NDUFAF6: variants seen among roughly 807,000 people sequenced by gnomAD.
NDUFAF6 encodes NADH:ubiquinone oxidoreductase complex assembly factor 6, also known as NADH dehydrogenase (ubiquinone) complex I, assembly factor 6.
A neutral mutation model predicts 40.8 loss-of-function variants in NDUFAF6; 45 were observed. That is an observed-to-expected ratio of 1.10 (90% confidence interval 0.87 to 1.42). The LOEUF is 1.42. Ranked by LOEUF, NDUFAF6 falls within the 40% of genes most tolerant of loss-of-function variation. The probability of loss-of-function intolerance (pLI) is 0.00; values close to 1 mark genes in which losing one functional copy is unlikely to be tolerated. For missense variants in NDUFAF6, 435 were observed against 418.5 expected (o/e 1.04, Z -0.34); for synonymous variants, 185 against 155.9 (o/e 1.19, Z -1.39).
chr8:94,989,544 A>G (rs1826099939), intron 2 of NDUFAF6, among the ~76,000 whole-genome samples: 1 of 152,200 alleles, frequency 6.6e-6, no homozygotes, highest in Non-Finnish European at 1.5e-5. Flanking sequence ...GCCTGACTCA[A>G]TCAATGTGAA....
chr8:94,955,223 CAG>C (rs1322030609), upstream of NDUFAF6, among the ~76,000 whole-genome samples: 2 of 152,206 alleles, frequency 1.3e-5, no homozygotes, highest in Admixed American at 6.5e-5. Context: ...GTTGCTATAA[CAG>C]AATACCTGAG....
At chr8:95,093,227 TTATC>T (rs1183611343) in intron 2 of NDUFAF6, among the ~76,000 whole-genome samples, 1 of 152,210 alleles carries the variant, frequency 6.6e-6, no homozygotes, top group Non-Finnish European at 1.5e-5. Flanking sequence ...ACAATCTACT[TTATC>T]TATGTCTTGG....
At chr8:94,991,327 T>A (rs1354133428) in intron 2 of NDUFAF6, among the ~76,000 whole-genome samples, 1 of 152,234 alleles carries the variant, frequency 6.6e-6, no homozygotes, top group Non-Finnish European at 1.5e-5. Context: ...TTATTTTAGA[T>A]CTGAAGATCA....
intron 1 of NDUFAF6, among the ~76,000 whole-genome samples, chr8:94,904,180 G>A (rs58635688): frequency 0.024 from 3,686 of 150,898 alleles, 127 homozygotes; most frequent in African/African-American, 0.084. Context: ...GACTCACTTT[G>A]TCGCCCAGGC....
In NDUFAF6 at chr8:95,071,128, A is replaced by G. The variant is rs367692685; in HGVS notation, c.*512-4505A>G. ...GCAACCGGCCGGGCGCGGTGGCTCA[A>G]GCCTGTAATCCCAGCACTTTGGGAG... On this transcript the variant is annotated intron_variant and NMD_transcript_variant, in intron 9 of 9. Coordinates refer to the NDUFAF6 transcript ENST00000520757. Among the ~76,000 whole-genome samples, 59 of 152,092 alleles carry G rather than the reference A, an allele frequency of 3.9e-4. 2 individuals are homozygous for G. In the East Asian group the frequency reaches 6.8e-3, roughly 17 times the overall value.
chr8:95,019,277 T>TG (rs1407226665), intron 2 of NDUFAF6, among the ~76,000 whole-genome samples: 4 of 152,266 alleles, frequency 2.6e-5, no homozygotes, highest in Admixed American at 6.5e-5. Context: ...CCCAAAGTGC[T>TG]GGGATTACAG....
chr8:95,023,905 C>T (rs984684331), upstream of NDUFAF6, among the ~76,000 whole-genome samples: 3 of 151,568 alleles, frequency 2.0e-5, no homozygotes, highest in African/African-American at 7.3e-5. Context: ...GCGGGAGAAT[C>T]GCTTGAACCC....
Position 95,058,574 on chromosome 8 carries a change from A to G in NDUFAF6, c.*637A>G. 1 of 1,205,792 alleles carries G rather than the reference A, an allele frequency of 8.3e-7. No homozygotes were observed. Among genetic ancestry groups the G allele is most frequent in the Non-Finnish European group, 1.0e-6 (1 of 972,388 alleles). 74.7% of individuals were successfully genotyped at this position (1,205,792 alleles called of 1,614,324 possible). A position where few individuals can be genotyped will look rare whatever the true frequency, so the allele number is the denominator to read the frequency against. On this transcript the variant is annotated 3_prime_UTR_variant, in exon 9 of 9. Transcript: ENST00000396124. ...AGCTCTGGCTGGTCTGGAAGCTTTT[A>G]CTTTTTTGTTAATCCCACTTCCTCA...
intron 2 of NDUFAF6, among the ~76,000 whole-genome samples, chr8:94,946,909 C>G (rs1360016764): frequency 6.6e-6 from 1 of 152,072 alleles, no homozygotes; most frequent in African/African-American, 2.4e-5. Flanking sequence ...TCGGTTCATT[C>G]AAAGCCAGTT....
upstream of NDUFAF6, among the ~76,000 whole-genome samples, chr8:95,024,638 G>T (rs1022823953): frequency 6.6e-6 from 1 of 152,258 alleles, no homozygotes; most frequent in Non-Finnish European, 1.5e-5. Flanking sequence ...ACAGTGCAAG[G>T]TGTTCTGTTC....
At chr8:95,045,426 A>G (rs1830625208) in intron 4 of NDUFAF6, 119 bp from the exon 5 acceptor site, 2 of 715,492 alleles carry the variant, frequency 2.8e-6, no homozygotes, top group Admixed American at 4.4e-5. Flanking sequence ...ATTGTGTACT[A>G]AATAACATAT....
At chr8:94,994,837 C>G (rs1342845742) in intron 2 of NDUFAF6, among the ~76,000 whole-genome samples, 1 of 152,086 alleles carries the variant, frequency 6.6e-6, no homozygotes, top group African/African-American at 2.4e-5. Context: ...AAAACCAAAC[C>G]AAACCAAACC....
downstream of NDUFAF6, among the ~76,000 whole-genome samples, chr8:95,106,487 T>C (rs1214955766): frequency 3.3e-5 from 5 of 152,120 alleles, no homozygotes; most frequent in Non-Finnish European, 7.3e-5. Flanking sequence ...TAACTCAAGA[T>C]GGATTAAAGA....
chr8:94,898,196 A>G (rs1450576709), intron 1 of NDUFAF6, among the ~76,000 whole-genome samples: 1 of 152,164 alleles, frequency 6.6e-6, no homozygotes, highest in Non-Finnish European at 1.5e-5. Context: ...TTGCTATTTA[A>G]TGAATCAATG....
At chr8:94,935,679 C>T (rs1820910660) in intron 1 of NDUFAF6, among the ~76,000 whole-genome samples, 1 of 152,164 alleles carries the variant, frequency 6.6e-6, no homozygotes, top group South Asian at 2.1e-4. Context: ...GGTATGGGAG[C>T]TCCATGTACT....
intron 2 of NDUFAF6, among the ~76,000 whole-genome samples, chr8:94,994,414 G>A (rs900505949): frequency 6.6e-6 from 1 of 152,078 alleles, no homozygotes; most frequent in Admixed American, 6.6e-5. Flanking sequence ...AGCTGGGCAT[G>A]GTGGCTGGCA....
At position 94,923,951 on chromosome 8, in the gene NDUFAF6, G is replaced by A. The variant is rs1425232750; in HGVS notation, c.-935-21532G>A. Among the ~76,000 whole-genome samples the A allele has an allele frequency of 6.6e-5, 10 of 151,672 alleles. No homozygotes were observed. In the East Asian group the frequency reaches 1.8e-3, roughly 27 times the overall value. On this transcript the variant is annotated intron_variant, in intron 1 of 14. Transcript: ENST00000396113. The stretch of plus-strand genomic sequence containing the variant: ...GATCCACCCGCCTTGGCCTCCTAAA[G>A]TGCTGGGATTACAGGCGTGAGCCAC...
At chr8:95,010,274 A>G (rs757937563) in intron 2 of NDUFAF6, among the ~76,000 whole-genome samples, 3 of 152,064 alleles carry the variant, frequency 2.0e-5, no homozygotes, top group Non-Finnish European at 4.4e-5. Flanking sequence ...TTTTTACTAG[A>G]GATGGGGTTT....
rs1210615130 is a variant in NDUFAF6, at chr8:95,058,670, G to A, written c.*733G>A. 4 of 1,051,360 alleles carry A rather than the reference G, an allele frequency of 3.8e-6. No individual in the cohort carries two copies. The highest frequency in any genetic ancestry group is 4.6e-5 in the South Asian group (1 of 21,850). 65.1% of individuals were successfully genotyped at this position (1,051,360 alleles called of 1,614,324 possible). A position where few individuals can be genotyped will look rare whatever the true frequency, so the allele number is the denominator to read the frequency against. ...GAAAGTTTGTATAAGTGATATGAAC[G>A]GTATTGTATTGAACATCCATTAAAG... On this transcript the variant is annotated 3_prime_UTR_variant, in exon 9 of 9. Transcript: ENST00000396124.
Sources: allele counts gnomAD v4.1 joint callset (sites outside exome capture counted in the v4.1 genomes callset), GRCh38; gene constraint gnomAD v4.1.1; transcripts MANE v1.5; gene names NCBI Gene and HGNC (gene_info 2026-07-23, HGNC 2026-07-21).